PIGN: variants seen among roughly 807,000 people sequenced by gnomAD.
PIGN encodes GPI ethanolamine phosphate transferase 1.
Under a neutral mutation model 125.4 loss-of-function variants are expected in PIGN, and 117 were observed. The observed-to-expected ratio is 0.93, with a 90% confidence interval of 0.80 to 1.09. The LOEUF is 1.09. PIGN is among the 50% of genes least tolerant of loss of function. The pLI is 0.00. For synonymous variants in PIGN, 392 were observed against 377.8 expected (o/e 1.04, Z -0.44); for missense variants, 1,075 against 1,094.9 (o/e 0.98, Z 0.26).
intron 25 of PIGN, among the ~76,000 whole-genome samples, chr18:62,087,992 TAA>T (rs2033785669): frequency 6.6e-6 from 1 of 152,250 alleles, no homozygotes; most frequent in Admixed American, 6.5e-5. Context: ...TGAAATGCGC[TAA>T]GAGAGCTGAT....
At chr18:62,137,549 G>T in intron 14 of PIGN, 1 of 155,236 alleles carries the variant, frequency 6.4e-6, no homozygotes, top group Non-Finnish European at 1.4e-5. Context: ...CAATTCTCCT[G>T]CCTCAGCCAC....
At chr18:62,070,146 G>A (rs2032759045) in intron 30 of PIGN, 1 of 352,946 alleles carries the variant, frequency 2.8e-6, no homozygotes, top group Non-Finnish European at 5.1e-6. Context: ...ATGACTACAA[G>A]AGAAACGGGG....
intron 14 of PIGN, 47 bp downstream of exon 14, chr18:62,138,196 T>A (rs376538580): frequency 1.3e-6 from 2 of 1,537,150 alleles, no homozygotes; most frequent in South Asian, 2.5e-5. Flanking sequence ...GCAAACTCAG[T>A]GGAAAATTCT....
chr18:62,113,235 C>A lies in PIGN; in HGVS notation c.1333G>T (p.Val445Phe), dbSNP rs187036839. 8.1e-6 allele frequency: 13 copies of A among 1,612,728 alleles called. No individual in the cohort carries two copies. The highest frequency in any genetic ancestry group is 1.1e-5 in the Non-Finnish European group (13 of 1,179,170). The change falls in exon 16 of 31, where the codon GTC becomes TTC. Residue 445 changes from valine to phenylalanine, a missense_variant. Physicochemically the swap from Val to Phe is conservative, Grantham distance 50. Around this residue, in one of 3 missense-constraint regions of PIGN, gnomAD observed 915 missense variants for 908.7 expected, o/e 1.01. Coordinates refer to ENST00000640252, the MANE Select transcript of PIGN (RefSeq NM_176787.5). ...CCCACAAAACCAATAACAACATTGA[C>A]GCCCAAAAAGAATCTGTCATATGTG... ...YHTYDRFFLGVNVVIGFVGWI... is the reference protein window; with the variant it reads ...YHTYDRFFLGFNVVIGFVGWI...
chr18:62,034,992 T>C (rs2030240171), intron 23 of PIGN, among the ~76,000 whole-genome samples: 1 of 152,146 alleles, frequency 6.6e-6, no homozygotes, highest in African/African-American at 2.4e-5. Context: ...CCACTTGTCA[T>C]GGGAGGGACC....
rs773187644 is a variant in PIGN at position 62,101,202 on chromosome 18, T to A, written c.1969-19A>T. 1.4e-6 allele frequency: 2 copies of A among 1,407,792 alleles called. No individual in the cohort carries two copies. Among genetic ancestry groups the A allele is most frequent in the African/African-American group, 2.8e-5 (2 of 71,252 alleles). 87.2% of individuals were successfully genotyped at this position (1,407,792 alleles called of 1,614,324 possible). A position where few individuals can be genotyped will look rare whatever the true frequency, so the allele number is the denominator to read the frequency against. Reference sequence around the variant, plus strand: ...TCAGCACCTAAAGACAAAGATGAAATAGGTTAAAAAAAGAGAAGGTAGTGA... The same window carrying A: ...TCAGCACCTAAAGACAAAGATGAAAAAGGTTAAAAAAAGAGAAGGTAGTGA... On this transcript the variant is annotated intron_variant, in intron 21 of 30. Transcript: ENST00000640252.
intron 30 of PIGN, among the ~76,000 whole-genome samples, chr18:62,071,175 A>G (rs1349059668): frequency 6.6e-6 from 1 of 152,244 alleles, no homozygotes; most frequent in East Asian, 1.9e-4. Flanking sequence ...TAAGAGGCAG[A>G]TAATGATCAC....
Position 62,082,758 on chromosome 18 carries a change from C to A in PIGN, c.2503-12G>T. The A allele has an allele frequency of 6.9e-7, 1 of 1,441,710 alleles. No individual in the cohort carries two copies. Among genetic ancestry groups the A allele is most frequent in the Non-Finnish European group, 9.5e-7 (1 of 1,050,212 alleles). 89.3% of individuals were successfully genotyped at this position (1,441,710 alleles called of 1,614,324 possible). The stretch of plus-strand genomic sequence containing the variant: ...AAGGGGATTAAAATCTGTAAAAGAA[C>A]AATAAATGATGCAAGGAATAACTGA... On this transcript the variant is annotated splice_polypyrimidine_tract_variant and intron_variant, in intron 27 of 30. Transcript: ENST00000640252.
At chr18:62,119,073 G>A (rs932280762) in intron 14 of PIGN, among the ~76,000 whole-genome samples, 2 of 151,964 alleles carry the variant, frequency 1.3e-5, no homozygotes, top group African/African-American at 2.4e-5. Context: ...AGGGATCCCT[G>A]AGATACTACA....
chr18:62,049,530 G>A lies in PIGN; in HGVS notation c.2673-3551C>T, dbSNP rs1400535033. On this transcript the variant is annotated intron_variant, in intron 30 of 30. Transcript: ENST00000640252. ...TGAGAAGTGTCTGTCCATGTCCTTC[G>A]CCCACTTTTTGATGGGGTTGTTTTT... is the stretch of plus-strand genomic sequence containing the variant. 1.9e-4 allele frequency among the ~76,000 whole-genome samples: 29 copies of A among 151,794 alleles called. 1 individual carries two copies. Among genetic ancestry groups the A allele is most frequent in the East Asian group, 1.2e-3 (6 of 5,134 alleles).
intron 12 of PIGN, 70 bp from the exon 13 acceptor site, chr18:62,139,145 G>T (rs190226879): frequency 7.5e-4 from 647 of 858,720 alleles, no homozygotes; most frequent in Non-Finnish European, 1.1e-3. Context: ...AAACAAAACA[G>T]ACTTAAAAGC....
intron 14 of PIGN, 106 bp from the exon 15 acceptor site, chr18:62,114,745 C>A: frequency 2.0e-6 from 1 of 512,650 alleles, no homozygotes. Flanking sequence ...TACAAAACAG[C>A]AAACAAAACA....
intron 22 of PIGN, among the ~76,000 whole-genome samples, chr18:62,097,837 G>A (rs1162106936): frequency 6.6e-6 from 1 of 151,974 alleles, no homozygotes; most frequent in Non-Finnish European, 1.5e-5. Flanking sequence ...GATAATAAAA[G>A]CAACTACCCA....
intron 24 of PIGN, among the ~76,000 whole-genome samples, chr18:62,089,975 A>G (rs1340433653): frequency 6.6e-6 from 1 of 152,164 alleles, no homozygotes; most frequent in Non-Finnish European, 1.5e-5. Flanking sequence ...TGCATACACA[A>G]TCTAAGATTT....
intron 27 of PIGN, among the ~76,000 whole-genome samples, chr18:62,084,000 C>T (rs1299056673): frequency 6.6e-6 from 1 of 152,074 alleles, no homozygotes; most frequent in Non-Finnish European, 1.5e-5. Flanking sequence ...AGCATAATGA[C>T]CTTAGAGAAG....
rs190515794 is a variant in PIGN, at chr18:62,171,117, C to T, written c.-235-7461G>A. 8.5e-4 allele frequency among the ~76,000 whole-genome samples: 130 copies of T among 152,328 alleles called. 4 individuals carry two copies. The highest frequency in any genetic ancestry group is 7.6e-3 in the Admixed American group (116 of 15,302). On this transcript the variant is annotated intron_variant, in intron 1 of 30. Coordinates refer to ENST00000640252, the MANE Select transcript of PIGN (RefSeq NM_176787.5). Reference sequence around the variant, plus strand: ...GAACTGATAACAATATTTAGTCTCTCTGTCCAGGAATACAGTATAACTCTC... The same window carrying T: ...GAACTGATAACAATATTTAGTCTCTTTGTCCAGGAATACAGTATAACTCTC...
At position 62,148,097 on chromosome 18, in the gene PIGN, A is replaced by G. The variant is rs952577648; in HGVS notation, c.674+117T>C. 3.4e-5 allele frequency: 24 copies of G among 716,218 alleles called. No individual in the cohort carries two copies. The African/African-American group carries it at 3.8e-4, about 11-fold the overall frequency. The allele number at this position is 716,218 out of a possible 1,614,324, so 44.4% of individuals were successfully genotyped here. A position where few individuals can be genotyped will look rare whatever the true frequency, so the allele number is the denominator to read the frequency against. On this transcript the variant is annotated intron_variant, in intron 8 of 30. Coordinates refer to ENST00000640252, the MANE Select transcript of PIGN (RefSeq NM_176787.5). ...TAATTGAGAACTTAATAAACATTAC[A>G]GTAGTTGTTTAAAATATTAGCTCTG... is the stretch of plus-strand genomic sequence containing the variant.
Position 62,041,694 on chromosome 18 carries a change from T to A in PIGN, c.*4162A>T, listed in dbSNP as rs2030387545. The A allele has an allele frequency of 1.3e-5, 2 of 151,524 alleles. No homozygotes were observed. The highest frequency in any genetic ancestry group is 1.3e-4 in the Admixed American group (2 of 15,056). 9.4% of individuals were successfully genotyped at this position (151,524 alleles called of 1,614,324 possible). On this transcript the variant is annotated 3_prime_UTR_variant, in exon 31 of 31. Transcript: ENST00000640252. ...GTGTGTGTGTGTGTGTGTGTGTGTGTGTGTGTGTGTGTTTAGTAGAGATGG... is the reference window on the plus strand; with the variant it reads ...GTGTGTGTGTGTGTGTGTGTGTGTGAGTGTGTGTGTGTTTAGTAGAGATGG...
At chr18:62,170,930 T>G (rs1003507448) in intron 1 of PIGN, among the ~76,000 whole-genome samples, 1 of 152,194 alleles carries the variant, frequency 6.6e-6, no homozygotes, top group Non-Finnish European at 1.5e-5. Flanking sequence ...GCCACAACAT[T>G]TCCTCAAGCC....
Sources: allele counts gnomAD v4.1 joint callset (sites outside exome capture counted in the v4.1 genomes callset), GRCh38; gene constraint gnomAD v4.1.1; regional missense constraint gnomAD v4.1.1; transcripts MANE v1.5; gene names NCBI Gene and HGNC (gene_info 2026-07-23, HGNC 2026-07-21).